Variants in CTNNA2 observed in about 807,000 individuals in gnomAD.
CTNNA2 encodes catenin alpha-2.
CTNNA2 carries 42 observed loss-of-function variants against 101.0 expected under a neutral mutation model. That is an observed-to-expected ratio of 0.42 (90% CI 0.32 to 0.54). The LOEUF (loss-of-function observed/expected upper bound fraction) is 0.54. Ranked by LOEUF, CTNNA2 falls within the 20% of genes least tolerant of loss-of-function variation. CTNNA2 has a pLI of 0.14. For synonymous variants in CTNNA2, 450 were observed against 456.4 expected, an observed-to-expected ratio of 0.99 and a Z score of 0.18; for missense variants, 871 against 1,223.1, an observed-to-expected ratio of 0.71 and a Z score of 4.29.
At chr2:79,687,898 G>A (rs1684044938) in intron 2 of CTNNA2, among the ~76,000 whole-genome samples, 1 of 152,096 alleles carries the variant, frequency 6.6e-6, no homozygotes, top group Non-Finnish European at 1.5e-5. Flanking sequence ...TCTAGATTGT[G>A]CTTCAGATGG....
chr2:80,482,850 C>G (rs1250152335), intron 9 of CTNNA2, among the ~76,000 whole-genome samples: 1 of 152,214 alleles, frequency 6.6e-6, no homozygotes, highest in Non-Finnish European at 1.5e-5. Context: ...GTGCCCGCTT[C>G]AGAACAAGAA....
rs537103719 is a variant in CTNNA2, at chr2:80,309,764, G to A, written c.1057-83447G>A. ...GGCTGGAGTGCAGTGGCATGATCTC[G>A]GGTCACTGCAACCTCCTTCTCCCGG... On this transcript the variant is annotated intron_variant, in intron 7 of 18. Transcript: ENST00000402739. Among the ~76,000 whole-genome samples the A allele has an allele frequency of 8.4e-4, 125 of 149,466 alleles. 1 individual carries two copies. The South Asian group carries it at 0.014, about 17-fold the overall frequency.
chr2:80,143,357 A>G (rs1268543598), intron 7 of CTNNA2, among the ~76,000 whole-genome samples: 2 of 152,214 alleles, frequency 1.3e-5, no homozygotes, highest in African/African-American at 4.8e-5. Context: ...ATGTTTTGAT[A>G]CATTCATACA....
At chr2:79,826,043 C>T (rs747671889) in intron 3 of CTNNA2, among the ~76,000 whole-genome samples, 163 of 151,908 alleles carry the variant, frequency 1.1e-3, no homozygotes, top group African/African-American at 2.1e-3. Context: ...TTTGTAAATA[C>T]GAAAAGAAGT....
At chr2:79,581,356 T>C (rs1478158252) in intron 1 of CTNNA2, among the ~76,000 whole-genome samples, 2 of 152,122 alleles carry the variant, frequency 1.3e-5, no homozygotes, top group African/African-American at 2.4e-5. Context: ...TGAAACCCCA[T>C]CTCTACTAAC....
chr2:80,180,857 A>C (rs375276424), intron 7 of CTNNA2, among the ~76,000 whole-genome samples: 1 of 152,140 alleles, frequency 6.6e-6, no homozygotes, highest in Non-Finnish European at 1.5e-5. Context: ...TTTGATCTGT[A>C]TTTCAGCTAA....
intron 7 of CTNNA2, among the ~76,000 whole-genome samples, chr2:80,140,180 C>T (rs1234422425): frequency 6.6e-6 from 1 of 152,156 alleles, no homozygotes; most frequent in Non-Finnish European, 1.5e-5. Flanking sequence ...CAGTCAGGCA[C>T]GAAAGTGTTA....
intron 4 of CTNNA2, among the ~76,000 whole-genome samples, chr2:79,376,734 T>C (rs1188666163): frequency 6.6e-6 from 1 of 151,926 alleles, no homozygotes; most frequent in Admixed American, 6.6e-5. Flanking sequence ...GAACATGCGG[T>C]GTTTGGTTTT....
At chr2:79,410,093 C>T (rs1299208065) in intron 4 of CTNNA2, among the ~76,000 whole-genome samples, 3 of 148,362 alleles carry the variant, frequency 2.0e-5, no homozygotes, top group Non-Finnish European at 4.5e-5. Context: ...CATGATTTGG[C>T]CCTCTGTTTG....
At position 80,224,812 on chromosome 2, in the gene CTNNA2, C is replaced by G. The variant is rs539077720; in HGVS notation, c.1057-168399C>G. Among the ~76,000 whole-genome samples, 3 of 151,922 alleles carry G rather than the reference C, an allele frequency of 2.0e-5. No individual in the cohort carries two copies. In the South Asian group the frequency reaches 6.3e-4, roughly 32 times the overall value. ...GCTAAACTATTAGGCCCTCTTCAGT[C>G]AATTGATCACATCCTCAATTATACA... On this transcript the variant is annotated intron_variant, in intron 7 of 18. Coordinates refer to ENST00000402739, the MANE Select transcript of CTNNA2 (RefSeq NM_001282597.3).
chr2:79,562,406 G>A (rs1263977941), intron 1 of CTNNA2, among the ~76,000 whole-genome samples: 2 of 151,936 alleles, frequency 1.3e-5, no homozygotes, highest in Non-Finnish European at 2.9e-5. Flanking sequence ...TTAAAATAAT[G>A]TAGTTAGGTA....
intron 18 of CTNNA2, among the ~76,000 whole-genome samples, chr2:80,640,769 A>AT (rs569458183): frequency 8.6e-5 from 13 of 151,842 alleles, no homozygotes; most frequent in Admixed American, 4.6e-4. Flanking sequence ...TTGTAGCAAA[A>AT]TTTTTTTTTC....
chr2:79,683,967 G>C (rs1683760744), intron 2 of CTNNA2, among the ~76,000 whole-genome samples: 1 of 152,120 alleles, frequency 6.6e-6, no homozygotes, highest in South Asian at 2.1e-4. Flanking sequence ...GGAGAGACTT[G>C]TTCGTAGCAC....
chr2:80,228,759 A>G (rs939602968), intron 7 of CTNNA2, among the ~76,000 whole-genome samples: 3 of 152,148 alleles, frequency 2.0e-5, no homozygotes. Context: ...ATAAGACAAA[A>G]TAGAGGGGTA....
intron 7 of CTNNA2, chr2:80,289,036 T>C (rs909626021): frequency 6.6e-5 from 10 of 152,032 alleles, no homozygotes; most frequent in African/African-American, 2.4e-4. Flanking sequence ...AAGATGGGAG[T>C]AATATGATGC....
chr2:80,394,057 G>A (rs1677767526), intron 8 of CTNNA2, among the ~76,000 whole-genome samples: 2 of 152,298 alleles, frequency 1.3e-5, no homozygotes, highest in South Asian at 4.1e-4. Context: ...GCAGAATCCT[G>A]TCTCCTGCTG....
intron 4 of CTNNA2, among the ~76,000 whole-genome samples, chr2:79,399,999 G>C (rs891746166): frequency 6.6e-6 from 1 of 152,016 alleles, no homozygotes; most frequent in Admixed American, 6.6e-5. Context: ...TGTGCCCAAA[G>C]TGGTTGGAGC....
At chr2:79,478,897 C>T (rs1422347736) in intron 4 of CTNNA2, among the ~76,000 whole-genome samples, 1 of 152,178 alleles carries the variant, frequency 6.6e-6, no homozygotes, top group Non-Finnish European at 1.5e-5. Context: ...TACACATCAC[C>T]GTCTCACCTT....
chr2:80,568,130 C>T (rs1028467382), intron 12 of CTNNA2, among the ~76,000 whole-genome samples: 1 of 152,160 alleles, frequency 6.6e-6, no homozygotes, highest in Non-Finnish European at 1.5e-5. Context: ...TCTGAAGAAG[C>T]AGAGTCCTGA....
Sources: gnomAD v4.1 joint callset for allele counts (sites outside exome capture counted in the v4.1 genomes callset) on GRCh38, gnomAD v4.1.1 for gene constraint, MANE v1.5 for transcripts, NCBI Gene and HGNC (gene_info 2026-07-23, HGNC 2026-07-21) for gene names.